Variants in CACNA2D3 observed in about 807,000 individuals in gnomAD.
The protein encoded by CACNA2D3 is voltage-dependent calcium channel subunit alpha-2/delta-3.
Under a neutral mutation model 160.6 loss-of-function variants are expected in CACNA2D3, and 60 were observed. The ratio of observed to expected loss-of-function variants is 0.37; its 90% CI spans 0.30 to 0.46. The LOEUF is 0.46. Ranked by LOEUF, CACNA2D3 falls within the 20% of genes least tolerant of loss-of-function variation. The pLI, the probability that CACNA2D3 is intolerant of heterozygous loss-of-function variation, is 1.00. For synonymous variants in CACNA2D3, 558 were observed against 492.9 expected, an observed-to-expected ratio of 1.13 and a Z score of -1.75; for missense variants, 1,205 against 1,365.0, an observed-to-expected ratio of 0.88 and a Z score of 1.85.
chr3:54,728,119 G>A lies in CACNA2D3; in HGVS notation c.1168-24480G>A, dbSNP rs188734442. On this transcript the variant is annotated intron_variant, in intron 11 of 37. Coordinates refer to ENST00000474759, the MANE Select transcript of CACNA2D3 (RefSeq NM_018398.3). ...TGTATATCTTCTTGAATCTATGGCC[G>A]GAAGTTTGTCATCAGTTTTGTAAAA... Among the ~76,000 whole-genome samples, 55 of 151,944 alleles carry A rather than the reference G, an allele frequency of 3.6e-4. 1 individual carries two copies. Among genetic ancestry groups the A allele is most frequent in the Admixed American group, 1.5e-3 (23 of 15,260 alleles).
chr3:54,792,132 A>G (rs1181173042), intron 13 of CACNA2D3, among the ~76,000 whole-genome samples: 1 of 152,182 alleles, frequency 6.6e-6, no homozygotes, highest in African/African-American at 2.4e-5. Flanking sequence ...AGAGTGTGAC[A>G]CCTGAGTGTT....
chr3:54,910,601 A>G (rs1473272448), intron 27 of CACNA2D3, among the ~76,000 whole-genome samples: 2 of 152,096 alleles, frequency 1.3e-5, no homozygotes, highest in Non-Finnish European at 2.9e-5. Context: ...TAACTAGTAA[A>G]TGTTGGAGGG....
At position 54,260,473 on chromosome 3, in the gene CACNA2D3, G is replaced by A. The variant is rs559321588; in HGVS notation, c.205-59969G>A. Among the ~76,000 whole-genome samples, 7 of 152,262 alleles carry A rather than the reference G, an allele frequency of 4.6e-5. No homozygotes were observed. In the South Asian group the frequency reaches 1.5e-3, roughly 32 times the overall value. ...AGACAGAGGGAGCGTGTCAGTTCAG[G>A]TCTCTCTTCCTTTTCTTATAAAGCC... On this transcript the variant is annotated intron_variant, in intron 2 of 37. Transcript: ENST00000474759.
At chr3:54,706,062 A>C (rs559887504) in intron 11 of CACNA2D3, among the ~76,000 whole-genome samples, 1 of 152,228 alleles carries the variant, frequency 6.6e-6, no homozygotes, top group Non-Finnish European at 1.5e-5. Context: ...CATAAGGCCA[A>C]ATCAACTGGA....
intron 35 of CACNA2D3, among the ~76,000 whole-genome samples, chr3:55,052,954 T>A (rs1704263147): frequency 6.6e-6 from 1 of 152,140 alleles, no homozygotes; most frequent in Non-Finnish European, 1.5e-5. Flanking sequence ...ACCTTTTAAT[T>A]GGTACATTTG....
intron 27 of CACNA2D3, among the ~76,000 whole-genome samples, chr3:54,921,218 A>C (rs1178374667): frequency 6.6e-6 from 1 of 151,914 alleles, no homozygotes; most frequent in South Asian, 2.1e-4. Context: ...ACTAGATTCA[A>C]ATCTTGAGTC....
chr3:54,326,381 G>T (rs933279324), intron 3 of CACNA2D3, among the ~76,000 whole-genome samples: 1 of 152,140 alleles, frequency 6.6e-6, no homozygotes, highest in African/African-American at 2.4e-5. Context: ...ACATACATCA[G>T]TGTTTTTATG....
intron 27 of CACNA2D3, among the ~76,000 whole-genome samples, chr3:54,949,602 C>T (rs1701704325): frequency 6.6e-6 from 1 of 152,162 alleles, no homozygotes; most frequent in Admixed American, 6.5e-5. Context: ...GGAATCAGGG[C>T]ACATTATCAA....
intron 14 of CACNA2D3, among the ~76,000 whole-genome samples, chr3:54,827,596 C>T (rs553310171): frequency 6.6e-6 from 1 of 152,270 alleles, no homozygotes; most frequent in South Asian, 2.1e-4. Context: ...TGTGCACCAG[C>T]TTCTCAGCAC....
rs1412364021 is a variant in CACNA2D3, at chr3:54,465,340, AG to A, written c.382-38151del. ...TTTTGAATTTGAGGGACAGAGAGCT[AG>A]CAAACAAGCACATTCACATTACTTT... On this transcript the variant is annotated intron_variant, in intron 4 of 37. Transcript: ENST00000474759. Among the ~76,000 whole-genome samples the A allele has an allele frequency of 2.0e-5, 3 of 152,302 alleles. No individual in the cohort carries two copies. The East Asian group carries it at 5.8e-4, about 29-fold the overall frequency.
chr3:54,745,075 AT>A (rs1407813965), intron 11 of CACNA2D3, among the ~76,000 whole-genome samples: 2 of 152,266 alleles, frequency 1.3e-5, no homozygotes, highest in African/African-American at 4.8e-5. Flanking sequence ...AGGAAGAAGT[AT>A]ATTGTATCCA....
intron 2 of CACNA2D3, among the ~76,000 whole-genome samples, chr3:54,171,785 T>G (rs1700575860): frequency 6.6e-6 from 1 of 152,216 alleles, no homozygotes; most frequent in Non-Finnish European, 1.5e-5. Context: ...CACTGAACTT[T>G]GGATTATTCG....
At chr3:55,040,559 C>T (rs902098055) in intron 35 of CACNA2D3, among the ~76,000 whole-genome samples, 1 of 151,672 alleles carries the variant, frequency 6.6e-6, no homozygotes, top group Non-Finnish European at 1.5e-5. Context: ...ATGGCACACA[C>T]CTGTAGTCCC....
chr3:54,584,646 C>A (rs1559519200), intron 9 of CACNA2D3, among the ~76,000 whole-genome samples: 1 of 152,082 alleles, frequency 6.6e-6, no homozygotes, highest in Admixed American at 6.5e-5. Context: ...CTCCCCCAAA[C>A]TGGGTAAAAG....
chr3:54,581,915 A>G (rs1469078795), intron 9 of CACNA2D3, 38 bp downstream of exon 9: 2 of 1,530,378 alleles, frequency 1.3e-6, no homozygotes, highest in Admixed American at 1.7e-5. Flanking sequence ...GTCATGGTAC[A>G]CCCCTGTCTC....
At chr3:54,760,390 T>C (rs886073624) in intron 12 of CACNA2D3, among the ~76,000 whole-genome samples, 1 of 151,788 alleles carries the variant, frequency 6.6e-6, no homozygotes, top group Non-Finnish European at 1.5e-5. Flanking sequence ...CCAGCAAGCC[T>C]GAACAGTGAG....
chr3:54,772,335 G>A (rs1250571817), intron 13 of CACNA2D3, among the ~76,000 whole-genome samples: 1 of 151,670 alleles, frequency 6.6e-6, no homozygotes, highest in Non-Finnish European at 1.5e-5. Flanking sequence ...TAAATAAATA[G>A]CTTAAAAATG....
chr3:54,460,103 T>G (rs1700472578), intron 4 of CACNA2D3, among the ~76,000 whole-genome samples: 1 of 151,732 alleles, frequency 6.6e-6, no homozygotes, highest in South Asian at 2.1e-4. Context: ...GCATTATTTC[T>G]GAGGGCTCTG....
chr3:54,571,229 T>C (rs775432006), intron 8 of CACNA2D3, among the ~76,000 whole-genome samples: 4 of 152,070 alleles, frequency 2.6e-5, no homozygotes, highest in Non-Finnish European at 5.9e-5. Context: ...CGAGTTCTTA[T>C]TTGTAGAGGA....
Sources: gnomAD v4.1 joint callset for allele counts (sites outside exome capture counted in the v4.1 genomes callset) on GRCh38, gnomAD v4.1.1 for gene constraint, MANE v1.5 for transcripts, NCBI Gene and HGNC (gene_info 2026-07-23, HGNC 2026-07-21) for gene names.